Variants in NRG1 observed in about 807,000 individuals in gnomAD.
The protein encoded by NRG1 is pro-neuregulin-1, membrane-bound isoform.
Under a neutral mutation model 63.8 loss-of-function variants are expected in NRG1, and 18 were observed. The ratio of observed to expected loss-of-function variants is 0.28; its 90% confidence interval spans 0.19 to 0.42. The LOEUF is 0.42. Ranked by LOEUF, NRG1 falls within the 10% of genes least tolerant of loss-of-function variation. The pLI is 1.00. For synonymous variants in NRG1, 302 were observed against 301.3 expected (o/e 1.00, Z -0.02); for missense variants, 762 against 814.7 (o/e 0.94, Z 0.79).
At chr8:32,263,527 T>C (rs1850605957) in intron 1 of NRG1, among the ~76,000 whole-genome samples, 2 of 152,198 alleles carry the variant, frequency 1.3e-5, no homozygotes, top group Non-Finnish European at 2.9e-5. Context: ...TTTCCTTCTG[T>C]CTTGCTACGT....
At chr8:32,400,112 G>T (rs546891210) in intron 1 of NRG1, among the ~76,000 whole-genome samples, 4 of 152,126 alleles carry the variant, frequency 2.6e-5, no homozygotes, top group Non-Finnish European at 5.9e-5. Flanking sequence ...CTGCCATTGC[G>T]TTAATAAGGA....
intron 1 of NRG1, among the ~76,000 whole-genome samples, chr8:32,573,240 A>G (rs1838964985): frequency 6.6e-6 from 1 of 152,246 alleles, no homozygotes; most frequent in Non-Finnish European, 1.5e-5. Context: ...AATTCTACAG[A>G]TGTTCCATGA....
At chr8:32,136,966 T>A (rs776161588) in intron 1 of NRG1, among the ~76,000 whole-genome samples, 1 of 152,186 alleles carries the variant, frequency 6.6e-6, no homozygotes, top group Non-Finnish European at 1.5e-5. Context: ...GAATACATTA[T>A]ATACTTTCAG....
At chr8:32,312,076 C>G (rs1345005215) in intron 1 of NRG1, among the ~76,000 whole-genome samples, 2 of 151,634 alleles carry the variant, frequency 1.3e-5, no homozygotes, top group Admixed American at 6.6e-5. Flanking sequence ...TGGAAGAAAA[C>G]TGCGGTACCT....
At chr8:31,714,594 T>C (rs1812163922) in intron 1 of NRG1, among the ~76,000 whole-genome samples, 1 of 152,200 alleles carries the variant, frequency 6.6e-6, no homozygotes, top group Non-Finnish European at 1.5e-5. Flanking sequence ...CTTGTTGTGC[T>C]GTTATGACTA....
chr8:32,501,583 A>G (rs898777712), intron 1 of NRG1, among the ~76,000 whole-genome samples: 3 of 152,222 alleles, frequency 2.0e-5, no homozygotes, highest in African/African-American at 7.2e-5. Context: ...GGTTTGAACA[A>G]TTGATTAAAT....
chr8:32,295,514 A>C (rs1467426698), intron 1 of NRG1, among the ~76,000 whole-genome samples: 2 of 152,208 alleles, frequency 1.3e-5, no homozygotes, highest in African/African-American at 4.8e-5. Flanking sequence ...CTAACATCTT[A>C]TAATAGGATT....
At chr8:32,395,911 G>A (rs1812382041) in intron 1 of NRG1, among the ~76,000 whole-genome samples, 1 of 151,916 alleles carries the variant, frequency 6.6e-6, no homozygotes, top group Admixed American at 6.6e-5. Context: ...TTTATATATG[G>A]TGCAAGTTAT....
chr8:32,636,235 G>A (rs1851318921), intron 5 of NRG1, among the ~76,000 whole-genome samples: 1 of 152,130 alleles, frequency 6.6e-6, no homozygotes, highest in South Asian at 2.1e-4. Flanking sequence ...GCAAAAAGAA[G>A]CATATGGTTG....
At chr8:32,044,084 G>A (rs1586695124) in intron 1 of NRG1, among the ~76,000 whole-genome samples, 1 of 151,776 alleles carries the variant, frequency 6.6e-6, no homozygotes, top group Admixed American at 6.6e-5. Flanking sequence ...AATGACAAAG[G>A]TATGCCCAAA....
intron 1 of NRG1, among the ~76,000 whole-genome samples, chr8:32,493,633 A>T (rs1209729877): frequency 2.6e-5 from 4 of 152,292 alleles, no homozygotes; most frequent in Admixed American, 2.6e-4. Context: ...TCCTTCAGCT[A>T]ATTTGGTACA....
At chr8:32,041,961 C>T (rs1820136691) in intron 1 of NRG1, among the ~76,000 whole-genome samples, 1 of 152,026 alleles carries the variant, frequency 6.6e-6, no homozygotes, top group African/African-American at 2.4e-5. Context: ...ATATCATTGC[C>T]CAGATTCCAG....
chr8:31,671,269 A>G (rs931801235), intron 1 of NRG1, among the ~76,000 whole-genome samples: 5 of 152,186 alleles, frequency 3.3e-5, no homozygotes, highest in Non-Finnish European at 7.3e-5. Flanking sequence ...TGTGTTGAGG[A>G]AGTTCACTAT....
Position 32,525,785 on chromosome 8 carries a change from A to C in NRG1, c.38-70043A>C, listed in dbSNP as rs187555116. Among the ~76,000 whole-genome samples the C allele has an allele frequency of 1.3e-3, 194 of 152,162 alleles. 1 individual carries two copies. Among genetic ancestry groups the C allele is most frequent in the African/African-American group, 4.3e-3 (179 of 41,510 alleles). Reference sequence around the variant, plus strand: ...GTGCCTCCAATTTTTGAGGCTTTCTATAATTACTTAGCACAAATCAACTTT... The same window carrying C: ...GTGCCTCCAATTTTTGAGGCTTTCTCTAATTACTTAGCACAAATCAACTTT... On this transcript the variant is annotated intron_variant, in intron 1 of 10. Coordinates refer to the NRG1 transcript ENST00000519301.
chr8:32,724,265 A>T (rs1220525075), intron 5 of NRG1, among the ~76,000 whole-genome samples: 2 of 152,228 alleles, frequency 1.3e-5, no homozygotes, highest in African/African-American at 4.8e-5. Flanking sequence ...AAAACTAGTC[A>T]TAAATCAGAG....
chr8:31,698,588 G>A (rs1396396217), intron 1 of NRG1, among the ~76,000 whole-genome samples: 1 of 152,106 alleles, frequency 6.6e-6, no homozygotes, highest in Non-Finnish European at 1.5e-5. Context: ...GTGTTATGCT[G>A]GCTGAAATGA....
At chr8:31,912,019 C>T (rs1180728054) in intron 1 of NRG1, among the ~76,000 whole-genome samples, 1 of 152,078 alleles carries the variant, frequency 6.6e-6, no homozygotes, top group Non-Finnish European at 1.5e-5. Flanking sequence ...CCCCTAATTT[C>T]CTTATCTGAA....
chr8:32,676,908 G>A lies in NRG1; in HGVS notation c.503-51041G>A, dbSNP rs190179542. Among the ~76,000 whole-genome samples, 4 of 152,112 alleles carry A rather than the reference G, an allele frequency of 2.6e-5. No individual in the cohort carries two copies. The East Asian group carries it at 7.7e-4, about 29-fold the overall frequency. ...TGAGATTTATGTCACTATTCAAGTG[G>A]GGATGGTTAAGTCAATTAATATTAA... On this transcript the variant is annotated intron_variant, in intron 5 of 11. Coordinates refer to ENST00000356819, the Ensembl canonical transcript of NRG1.
chr8:31,739,676 A>G (rs1037973138), intron 1 of NRG1, among the ~76,000 whole-genome samples: 1 of 152,116 alleles, frequency 6.6e-6, no homozygotes, highest in Non-Finnish European at 1.5e-5. Context: ...TGGGGGGAGC[A>G]TGACATCTAA....
Sources: gnomAD v4.1 joint callset for allele counts (sites outside exome capture counted in the v4.1 genomes callset) on GRCh38, gnomAD v4.1.1 for gene constraint, MANE v1.5 for transcripts, NCBI Gene and HGNC (gene_info 2026-07-23, HGNC 2026-07-21) for gene names.